The following CRIM1 variants were observed in gnomAD, a reference collection of about 807,000 sequenced individuals.
CRIM1 encodes cysteine-rich motor neuron 1 protein.
In CRIM1, 32 loss-of-function variants were observed where a neutral mutation model predicts 116.4. That is an observed-to-expected ratio of 0.27 (90% CI 0.21 to 0.37). The LOEUF is 0.37. CRIM1 is among the 10% of genes least tolerant of loss of function. The pLI is 1.00. For synonymous variants in CRIM1, 590 were observed against 509.2 expected (o/e 1.16, Z -2.13); for missense variants, 1,331 against 1,354.8 (o/e 0.98, Z 0.28).
chr2:36,393,988 C>T (rs1464660851), intron 1 of CRIM1, among the ~76,000 whole-genome samples: 1 of 152,024 alleles, frequency 6.6e-6, no homozygotes, highest in Non-Finnish European at 1.5e-5. Context: ...GATCTGGGGA[C>T]ATTGTGGGGA....
intron 2 of CRIM1, among the ~76,000 whole-genome samples, chr2:36,438,781 C>T (rs1271271651): frequency 6.6e-6 from 1 of 152,142 alleles, no homozygotes; most frequent in Non-Finnish European, 1.5e-5. Context: ...AGTAGTGATT[C>T]CTGAGACAGG....
At position 36,396,599 on chromosome 2, in the gene CRIM1, T is replaced by G; in HGVS notation, c.332-15T>G. 1 of 1,532,284 alleles carries G rather than the reference T, an allele frequency of 6.5e-7. No individual in the cohort carries two copies. Among genetic ancestry groups the G allele is most frequent in the Non-Finnish European group, 8.9e-7 (1 of 1,126,382 alleles). The allele number at this position is 1,532,284 out of a possible 1,614,324, so 94.9% of individuals were successfully genotyped here. On this transcript the variant is annotated splice_polypyrimidine_tract_variant and intron_variant, in intron 1 of 16. Coordinates refer to ENST00000280527, the MANE Select transcript of CRIM1 (RefSeq NM_016441.3). ...GCTGCAAACACACATTATCTGGTTGTTAATTGTTTTACAGATGAGAACTGG... is the reference window on the plus strand; with the variant it reads ...GCTGCAAACACACATTATCTGGTTGGTAATTGTTTTACAGATGAGAACTGG...
intron 2 of CRIM1, among the ~76,000 whole-genome samples, chr2:36,422,637 T>C (rs2177434): frequency 0.25 from 38,471 of 152,116 alleles, 5,117 homozygotes; most frequent in Middle Eastern, 0.32. Context: ...TTTTGCTTCC[T>C]TAATGATACG....
intron 7 of CRIM1, among the ~76,000 whole-genome samples, chr2:36,494,774 G>T (rs1054043623): frequency 6.6e-6 from 1 of 152,190 alleles, no homozygotes; most frequent in East Asian, 1.9e-4. Context: ...CTGTTGGAGG[G>T]TTCCCTTTAG....
chr2:36,457,267 AC>A (rs1677208360), intron 4 of CRIM1, among the ~76,000 whole-genome samples: 1 of 152,150 alleles, frequency 6.6e-6, no homozygotes, highest in African/African-American at 2.4e-5. Context: ...TATACACTGA[AC>A]CCAAACCTAA....
At chr2:36,539,043 T>C (rs1241219445) in intron 14 of CRIM1, among the ~76,000 whole-genome samples, 1 of 151,800 alleles carries the variant, frequency 6.6e-6, no homozygotes, top group Non-Finnish European at 1.5e-5. Context: ...GGAGCTTACG[T>C]TGTAGTAGGG....
intron 13 of CRIM1, among the ~76,000 whole-genome samples, chr2:36,527,415 T>A (rs1665825689): frequency 6.6e-6 from 1 of 152,152 alleles, no homozygotes. Context: ...TTTATATATT[T>A]ACTAATATTC....
intron 2 of CRIM1, among the ~76,000 whole-genome samples, 182 bp from the exon 3 acceptor site, chr2:36,441,076 C>A (rs2049367): frequency 0.28 from 42,384 of 152,000 alleles, 6,083 homozygotes; most frequent in South Asian, 0.37. Flanking sequence ...ATTTTGGTGT[C>A]ATGGGCAGAT....
At chr2:36,532,363 A>C (rs1172694059) in intron 13 of CRIM1, among the ~76,000 whole-genome samples, 1 of 152,174 alleles carries the variant, frequency 6.6e-6, no homozygotes, top group Non-Finnish European at 1.5e-5. Flanking sequence ...ATTCTCCTCT[A>C]ATCCTCTTTG....
At chr2:36,387,653 A>C (rs73922899) in intron 1 of CRIM1, among the ~76,000 whole-genome samples, 1,849 of 152,328 alleles carry the variant, frequency 0.012, 37 homozygotes, top group African/African-American at 0.043. Context: ...GGTGATTTAA[A>C]AAATTTCGGA....
At chr2:36,359,585 C>T (rs1669086318) in intron 1 of CRIM1, among the ~76,000 whole-genome samples, 2 of 152,052 alleles carry the variant, frequency 1.3e-5, no homozygotes, top group South Asian at 4.2e-4. Flanking sequence ...CAATCCTATC[C>T]ATAGAAAGAA....
intron 7 of CRIM1, among the ~76,000 whole-genome samples, chr2:36,481,162 A>C (rs541186220): frequency 2.0e-5 from 3 of 152,380 alleles, no homozygotes; most frequent in East Asian, 1.9e-4. Flanking sequence ...AACTTGTTGA[A>C]TAAAAGAGCC....
chr2:36,475,799 A>G (rs1263613659), intron 5 of CRIM1, among the ~76,000 whole-genome samples: 1 of 152,148 alleles, frequency 6.6e-6, no homozygotes, highest in Non-Finnish European at 1.5e-5. Context: ...AGAATATTAG[A>G]TTCTGTCAGA....
In CRIM1 at chr2:36,414,928, G is replaced by C. The variant is rs372467325; in HGVS notation, c.505+18141G>C. 2.6e-5 allele frequency among the ~76,000 whole-genome samples: 4 copies of C among 152,316 alleles called. No homozygotes were observed. The East Asian group carries it at 7.7e-4, about 29-fold the overall frequency. The stretch of plus-strand genomic sequence containing the variant: ...AGTTTGAAGCTTCAGATGGAGATGA[G>C]AGGATGCCCTTTTTAAGATCAACTG... On this transcript the variant is annotated intron_variant, in intron 2 of 16. Transcript: ENST00000280527.
At chr2:36,439,166 A>G (rs566127422) in intron 2 of CRIM1, among the ~76,000 whole-genome samples, 1 of 152,278 alleles carries the variant, frequency 6.6e-6, no homozygotes, top group African/African-American at 2.4e-5. Flanking sequence ...GTGTAGTCAT[A>G]AGGTAGGTGG....
At chr2:36,542,743 A>C (rs1029326908) in intron 14 of CRIM1, among the ~76,000 whole-genome samples, 2 of 152,206 alleles carry the variant, frequency 1.3e-5, no homozygotes, top group East Asian at 3.9e-4. Context: ...AAAGGTGTCA[A>C]GTAAATGGCG....
intron 2 of CRIM1, among the ~76,000 whole-genome samples, chr2:36,418,365 G>C (rs909822433): frequency 6.6e-6 from 1 of 152,066 alleles, no homozygotes; most frequent in Non-Finnish European, 1.5e-5. Context: ...GTGCAGTGGT[G>C]CAATTATGGT....
chr2:36,487,626 A>T (rs1679923782), intron 7 of CRIM1, among the ~76,000 whole-genome samples: 2 of 147,980 alleles, frequency 1.4e-5, no homozygotes, highest in Admixed American at 1.3e-4. Flanking sequence ...AAGTGACAGT[A>T]AAATAAAGGC....
intron 2 of CRIM1, among the ~76,000 whole-genome samples, chr2:36,398,271 C>T (rs1672176173): frequency 6.6e-6 from 1 of 152,150 alleles, no homozygotes; most frequent in Non-Finnish European, 1.5e-5. Flanking sequence ...ATTGTCTCTA[C>T]TCAGGCCCCC....
Sources: allele counts gnomAD v4.1 joint callset (sites outside exome capture counted in the v4.1 genomes callset), GRCh38; gene constraint gnomAD v4.1.1; transcripts MANE v1.5; gene names NCBI Gene and HGNC (gene_info 2026-07-23, HGNC 2026-07-21).